Variants in CPE observed in about 807,000 individuals in gnomAD.
CPE encodes the protein carboxypeptidase E, also known as carbocypeptidase E.
A neutral mutation model predicts 53.5 loss-of-function variants in CPE; 17 were observed. That is an observed-to-expected ratio of 0.32 (90% CI 0.22 to 0.48). CPE has a LOEUF of 0.48. Among genes scored for constraint, CPE ranks in the 20% least tolerant of loss-of-function variants. CPE has a pLI of 0.99. For missense variants in CPE, 524 were observed against 614.7 expected (o/e 0.85, Z 1.56); for synonymous variants, 226 against 228.8 (o/e 0.99, Z 0.11).
intron 1 of CPE, among the ~76,000 whole-genome samples, chr4:165,429,803 A>G (rs17687125): frequency 0.18 from 26,703 of 152,178 alleles, 2,556 homozygotes; most frequent in African/African-American, 0.25. Flanking sequence ...ATAATAAGCA[A>G]CCAAGACTGA....
chr4:165,483,109 T>G (rs1732444199), intron 4 of CPE, among the ~76,000 whole-genome samples: 2 of 151,420 alleles, frequency 1.3e-5, no homozygotes, highest in Non-Finnish European at 2.9e-5. Context: ...ACCAAAAGAG[T>G]GAACTCAATA....
At chr4:165,459,914 CAAAAAAAAAA>C (rs10718543) in intron 1 of CPE, among the ~76,000 whole-genome samples, 1 of 78,742 alleles carries the variant, frequency 1.3e-5, no homozygotes, top group Admixed American at 1.5e-4. Context: ...GACTCTGTCT[CAAAAAAAAAA>C]AAAAAAAAAA....
At chr4:165,466,130 A>C (rs1469389649) in intron 2 of CPE, among the ~76,000 whole-genome samples, 1 of 152,206 alleles carries the variant, frequency 6.6e-6, no homozygotes, top group Non-Finnish European at 1.5e-5. Flanking sequence ...GTGCACCTAC[A>C]TAAACCTGCA....
intron 1 of CPE, among the ~76,000 whole-genome samples, chr4:165,419,032 T>A (rs1268444258): frequency 6.6e-6 from 1 of 152,198 alleles, no homozygotes; most frequent in East Asian, 1.9e-4. Flanking sequence ...TACTACTTAC[T>A]CCGTGGTCTT....
At chr4:165,381,080 T>A (rs1220676716) in intron 1 of CPE, among the ~76,000 whole-genome samples, 6 of 152,238 alleles carry the variant, frequency 3.9e-5, no homozygotes, top group Admixed American at 6.5e-5. Flanking sequence ...TGTAGATTGA[T>A]CCCAGAGTTT....
At chr4:165,406,260 G>A (rs539515742) in intron 1 of CPE, 85 of 637,232 alleles carry the variant, frequency 1.3e-4, no homozygotes, top group African/African-American at 1.0e-3. Context: ...AAAGGACCCT[G>A]TAAAATTGCG....
At chr4:165,390,749 A>G (rs1314492853) in intron 1 of CPE, among the ~76,000 whole-genome samples, 2 of 152,090 alleles carry the variant, frequency 1.3e-5, no homozygotes, top group African/African-American at 2.4e-5. Context: ...ACCCATTTCA[A>G]TTTCTAATTT....
intron 3 of CPE, among the ~76,000 whole-genome samples, chr4:165,473,578 G>A (rs570527533): frequency 1.3e-5 from 2 of 152,334 alleles, no homozygotes; most frequent in South Asian, 4.1e-4. Context: ...CTAGGTTGAA[G>A]TTATTAGTTA....
intron 3 of CPE, among the ~76,000 whole-genome samples, chr4:165,470,468 C>T (rs554635578): frequency 1.4e-4 from 22 of 152,178 alleles, no homozygotes; most frequent in East Asian, 1.2e-3. Flanking sequence ...CCAGTTAATC[C>T]GTGCCATTTT....
chr4:165,486,536 G>A (rs1732508096), intron 5 of CPE, among the ~76,000 whole-genome samples: 1 of 152,012 alleles, frequency 6.6e-6, no homozygotes, highest in Non-Finnish European at 1.5e-5. Context: ...TCCCCATTTT[G>A]GTTCCTAAAT....
intron 1 of CPE, chr4:165,405,906 A>G (rs1278419401): frequency 6.8e-6 from 5 of 733,000 alleles, no homozygotes; most frequent in Non-Finnish European, 1.3e-5. Flanking sequence ...ATTGGCATAA[A>G]ATGGCAGGAT....
At chr4:165,417,777 A>T (rs948403363) in intron 1 of CPE, among the ~76,000 whole-genome samples, 1 of 124,362 alleles carries the variant, frequency 8.0e-6, no homozygotes, top group Non-Finnish European at 1.7e-5. Context: ...TGTCTGTCTT[A>T]AAAAAAAAAA....
chr4:165,474,184 C>T (rs1271702117), intron 3 of CPE, among the ~76,000 whole-genome samples: 1 of 152,200 alleles, frequency 6.6e-6, no homozygotes, highest in Non-Finnish European at 1.5e-5. Context: ...TTTTCCTTCT[C>T]CTTATCTCTA....
rs114960065 is a variant in CPE, at chr4:165,399,474, C to T, written c.307+19946C>T. On this transcript the variant is annotated intron_variant, in intron 1 of 8. Coordinates refer to ENST00000402744, the MANE Select transcript of CPE (RefSeq NM_001873.4). Reference sequence around the variant, plus strand: ...CCACCTCCCAAGTTCAAGCGATTCTCCTGCCCTGGCCTCCTGCCTCCTGAG... The same window carrying T: ...CCACCTCCCAAGTTCAAGCGATTCTTCTGCCCTGGCCTCCTGCCTCCTGAG... Among the ~76,000 whole-genome samples, 835 of 152,290 alleles carry T rather than the reference C, an allele frequency of 5.5e-3. 6 individuals are homozygous for T. The highest frequency in any genetic ancestry group is 0.018 in the African/African-American group (764 of 41,556).
At chr4:165,464,673 G>A (rs575946982) in intron 2 of CPE, 87 bp downstream of exon 2, 25 of 1,195,418 alleles carry the variant, frequency 2.1e-5, no homozygotes, top group South Asian at 1.2e-4. Context: ...TTATGCCCTC[G>A]CACAAAGCTT....
chr4:165,428,623 A>T (rs1262752327), intron 1 of CPE, among the ~76,000 whole-genome samples: 1 of 150,186 alleles, frequency 6.7e-6, no homozygotes, highest in Non-Finnish European at 1.5e-5. Context: ...TGAAATTAGT[A>T]TCACTGGACT....
At chr4:165,426,646 C>T (rs1277342327) in intron 1 of CPE, among the ~76,000 whole-genome samples, 1 of 151,150 alleles carries the variant, frequency 6.6e-6, no homozygotes, top group Non-Finnish European at 1.5e-5. Flanking sequence ...TCTTTTGTGT[C>T]TGTTTGAAGT....
chr4:165,469,560 C>G (rs923207742), intron 3 of CPE, among the ~76,000 whole-genome samples: 110 of 152,160 alleles, frequency 7.2e-4, no homozygotes, highest in African/African-American at 2.3e-3. Context: ...TCTTGTCTTT[C>G]CTTCCATGCC....
intron 3 of CPE, among the ~76,000 whole-genome samples, chr4:165,478,695 A>G (rs1732344778): frequency 6.6e-6 from 1 of 152,158 alleles, no homozygotes; most frequent in Admixed American, 6.5e-5. Flanking sequence ...CAACCTGTAA[A>G]TATATGGTGC....
Sources: gnomAD v4.1 joint callset for allele counts (sites outside exome capture counted in the v4.1 genomes callset) on GRCh38, gnomAD v4.1.1 for gene constraint, MANE v1.5 for transcripts, NCBI Gene and HGNC (gene_info 2026-07-23, HGNC 2026-07-21) for gene names.